The following STK32B variants were observed in gnomAD, a reference collection of about 807,000 sequenced individuals.
The protein encoded by STK32B is serine/threonine kinase 32B, also known as serine/threonine-protein kinase 32B.
In STK32B, 43 loss-of-function variants were observed where a neutral mutation model predicts 52.6. The ratio of observed to expected loss-of-function variants is 0.82; its 90% CI spans 0.64 to 1.05. STK32B has a LOEUF of 1.05. Among genes scored for constraint, STK32B ranks in the 50% least tolerant of loss-of-function variants. The pLI is 0.00. For missense variants in STK32B, 621 were observed against 534.6 expected (o/e 1.16, Z -1.59); for synonymous variants, 238 against 204.3 (o/e 1.17, Z -1.41).
chr4:5,250,033 T>C (rs545826010), intron 3 of STK32B, among the ~76,000 whole-genome samples: 2 of 152,262 alleles, frequency 1.3e-5, no homozygotes, highest in East Asian at 3.9e-4. Flanking sequence ...CTGGGTTAGT[T>C]TGCTTAGGGG....
rs975436170 is a variant in STK32B, at chr4:5,449,636, G to T, written c.666+2860G>T. 5.3e-5 allele frequency among the ~76,000 whole-genome samples: 8 copies of T among 152,252 alleles called. No individual in the cohort carries two copies. In the East Asian group the frequency reaches 1.2e-3, roughly 22 times the overall value. Reference sequence around the variant, plus strand: ...GCCGCACAGCAGAGCAGGGGGTGAAGGTGAATGGCAAGTGAGCCAGGGAAG... The same window carrying T: ...GCCGCACAGCAGAGCAGGGGGTGAATGTGAATGGCAAGTGAGCCAGGGAAG... On this transcript the variant is annotated intron_variant, in intron 7 of 11. Transcript: ENST00000282908.
intron 3 of STK32B, among the ~76,000 whole-genome samples, chr4:5,303,884 ATTCT>A (rs1400311207): frequency 2.7e-5 from 4 of 148,720 alleles, no homozygotes; most frequent in Non-Finnish European, 5.9e-5. Flanking sequence ...ATCCAGTTGC[ATTCT>A]TTTACATGGA....
intron 3 of STK32B, among the ~76,000 whole-genome samples, chr4:5,206,836 C>T (rs758643063): frequency 6.7e-4 from 102 of 152,284 alleles, no homozygotes; most frequent in Non-Finnish European, 6.6e-4. Context: ...GGGTTTGGGC[C>T]TGGAGCACCT....
At chr4:5,412,390 C>G (rs917270746) in intron 5 of STK32B, among the ~76,000 whole-genome samples, 3 of 152,196 alleles carry the variant, frequency 2.0e-5, no homozygotes, top group Non-Finnish European at 4.4e-5. Context: ...GAAGTCACAG[C>G]TCATCAGTTA....
At chr4:5,351,788 C>T (rs1031605505) in intron 4 of STK32B, among the ~76,000 whole-genome samples, 1 of 151,936 alleles carries the variant, frequency 6.6e-6, no homozygotes, top group Admixed American at 6.6e-5. Context: ...ACTGATAACA[C>T]AGAAATACGA....
chr4:5,046,286 A>G, the STK32B span, among the ~76,000 whole-genome samples: 2 of 152,326 alleles, frequency 1.3e-5, no homozygotes, highest in South Asian at 2.1e-4. Context: ...TATTCAATAA[A>G]TGGTGCTGGG....
chr4:5,338,948 C>A, intron 4 of STK32B, among the ~76,000 whole-genome samples: 1 of 152,146 alleles, frequency 6.6e-6, no homozygotes, highest in East Asian at 1.9e-4. Context: ...AGGAGATCAG[C>A]ATTTGAATAA....
chr4:5,081,105 C>T (rs1280453440), intron 1 of STK32B, among the ~76,000 whole-genome samples: 3 of 152,148 alleles, frequency 2.0e-5, no homozygotes, highest in Non-Finnish European at 4.4e-5. Flanking sequence ...CAGTTTCATT[C>T]ATGTTGTAGC....
At chr4:5,492,058 G>A (rs1719781357) in intron 11 of STK32B, among the ~76,000 whole-genome samples, 1 of 152,086 alleles carries the variant, frequency 6.6e-6, no homozygotes, top group South Asian at 2.1e-4. Flanking sequence ...ACTTGGCAAT[G>A]CGGGCTCTTT....
intron 3 of STK32B, among the ~76,000 whole-genome samples, chr4:5,319,856 T>C (rs575726423): frequency 6.6e-6 from 1 of 152,294 alleles, no homozygotes; most frequent in South Asian, 2.1e-4. Context: ...CTGCAGAGGA[T>C]GTGGCTGCCT....
intron 3 of STK32B, among the ~76,000 whole-genome samples, chr4:5,241,065 T>C (rs1724990275): frequency 6.6e-6 from 1 of 152,212 alleles, no homozygotes; most frequent in African/African-American, 2.4e-5. Flanking sequence ...ACCTCATCTA[T>C]TAAAATTATA....
At chr4:5,036,659 ATTTTTTTT>A in the STK32B span, among the ~76,000 whole-genome samples, 131 of 74,240 alleles carry the variant, frequency 1.8e-3, no homozygotes, top group African/African-American at 6.3e-3. Flanking sequence ...GCAAGGGTGG[ATTTTTTTT>A]TTTTTTTTTT....
chr4:5,351,277 A>G (rs550765588), intron 4 of STK32B, among the ~76,000 whole-genome samples: 6 of 152,230 alleles, frequency 3.9e-5, no homozygotes, highest in East Asian at 1.9e-4. Context: ...TCAGGCATCA[A>G]TGGAATAAAA....
chr4:5,166,146 T>A (rs796418150), intron 2 of STK32B, among the ~76,000 whole-genome samples: 30 of 152,222 alleles, frequency 2.0e-4, no homozygotes, highest in African/African-American at 6.7e-4. Context: ...GAAGAGAGGC[T>A]GTGACACCAG....
chr4:5,442,844 T>C (rs2109113091), intron 6 of STK32B, among the ~76,000 whole-genome samples: 1 of 152,352 alleles, frequency 6.6e-6, no homozygotes, highest in East Asian at 1.9e-4. Flanking sequence ...TAAAGGATTT[T>C]ATTTCTCCTT....
intron 6 of STK32B, among the ~76,000 whole-genome samples, chr4:5,445,061 A>G (rs1168780050): frequency 1.3e-5 from 2 of 152,192 alleles, no homozygotes. Context: ...TCAGCTTTGC[A>G]TTTCCTGGCT....
intron 3 of STK32B, among the ~76,000 whole-genome samples, chr4:5,171,372 A>C (rs968836794): frequency 1.3e-4 from 19 of 151,620 alleles, no homozygotes; most frequent in East Asian, 7.8e-4. Flanking sequence ...TTAGACATGA[A>C]GTCCTTGCCC....
chr4:5,320,103 G>A (rs529296794), intron 3 of STK32B, among the ~76,000 whole-genome samples: 14 of 152,084 alleles, frequency 9.2e-5, no homozygotes, highest in East Asian at 3.8e-4. Context: ...CTACCTAGAC[G>A]TCTCTTCCCC....
intron 3 of STK32B, among the ~76,000 whole-genome samples, chr4:5,323,516 G>A (rs1167552132): frequency 6.6e-6 from 1 of 152,158 alleles, no homozygotes; most frequent in Non-Finnish European, 1.5e-5. Flanking sequence ...GGGAGTCCCT[G>A]GTCTCTGTGA....
Sources: gnomAD v4.1 joint callset for allele counts (sites outside exome capture counted in the v4.1 genomes callset) on GRCh38, gnomAD v4.1.1 for gene constraint, MANE v1.5 for transcripts, NCBI Gene and HGNC (gene_info 2026-07-23, HGNC 2026-07-21) for gene names.